The following UBR3 variants were observed in gnomAD, a reference collection of about 807,000 sequenced individuals.
The protein encoded by UBR3 is ubiquitin protein ligase E3 component n-recognin 3.
In UBR3, 85 loss-of-function variants were observed where a neutral mutation model predicts 243.2. That is an observed-to-expected ratio of 0.35 (90% CI 0.29 to 0.42). The LOEUF is 0.42. Among genes scored for constraint, UBR3 ranks in the 10% least tolerant of loss-of-function variants. UBR3 has a pLI of 1.00. For missense variants in UBR3, 1,686 were observed against 2,300.8 expected, an observed-to-expected ratio of 0.73 and a Z score of 5.47; for synonymous variants, 748 against 799.8, an observed-to-expected ratio of 0.94 and a Z score of 1.09.
intron 23 of UBR3, among the ~76,000 whole-genome samples, chr2:169,958,097 T>TA (rs2087395761): frequency 6.6e-6 from 1 of 152,126 alleles, no homozygotes; most frequent in African/African-American, 2.4e-5. Flanking sequence ...AGTCTCTTGC[T>TA]AAAAAAATAT....
chr2:169,971,921 A>G (rs1008873658), intron 24 of UBR3, among the ~76,000 whole-genome samples: 5 of 152,330 alleles, frequency 3.3e-5, no homozygotes, highest in African/African-American at 1.2e-4. Context: ...AAATCAGAGC[A>G]GAACTGAAGG....
intron 30 of UBR3, among the ~76,000 whole-genome samples, chr2:170,024,477 G>A (rs1207884076): frequency 6.6e-6 from 1 of 151,892 alleles, no homozygotes; most frequent in Non-Finnish European, 1.5e-5. Flanking sequence ...GTAACTTTGG[G>A]TTTAGTTTCT....
At chr2:170,054,054 C>T (rs570991147) in intron 32 of UBR3, among the ~76,000 whole-genome samples, 1 of 152,178 alleles carries the variant, frequency 6.6e-6, no homozygotes, top group Admixed American at 6.5e-5. Context: ...TTATTAAGTA[C>T]CTAATATGTG....
chr2:169,898,958 C>T (rs1397005089), intron 8 of UBR3, among the ~76,000 whole-genome samples: 1 of 151,928 alleles, frequency 6.6e-6, no homozygotes, highest in Non-Finnish European at 1.5e-5. Flanking sequence ...GCCTCGGCCT[C>T]CCAAAGTGCT....
Position 170,055,902 on chromosome 2 carries a change from A to G in UBR3, c.4785+318A>G, listed in dbSNP as rs116381054. Among the ~76,000 whole-genome samples the G allele has an allele frequency of 7.8e-3, 1,190 of 151,712 alleles. 13 individuals carry two copies. Among genetic ancestry groups the G allele is most frequent in the African/African-American group, 0.026 (1,073 of 41,332 alleles). On this transcript the variant is annotated intron_variant, in intron 33 of 38. Coordinates refer to ENST00000272793, the MANE Select transcript of UBR3 (RefSeq NM_172070.4). ...TGATAAAATATCTGCAGACTTATCT[A>G]TTTTATTCGCCACTTTTTCTTTTTG... is the stretch of plus-strand genomic sequence containing the variant.
At chr2:169,940,414 G>C (rs951430836) in intron 19 of UBR3, among the ~76,000 whole-genome samples, 2 of 152,098 alleles carry the variant, frequency 1.3e-5, no homozygotes, top group Non-Finnish European at 2.9e-5. Flanking sequence ...CTGGAGTTTT[G>C]AGTTATATTT....
intron 2 of UBR3, 37 bp downstream of exon 2, chr2:169,872,412 A>C: frequency 2.9e-6 from 4 of 1,362,782 alleles, no homozygotes; most frequent in Non-Finnish European, 3.9e-6. Flanking sequence ...TACTCTTTTT[A>C]AATTGTAAAT....
intron 5 of UBR3, among the ~76,000 whole-genome samples, chr2:169,882,314 TTTATATATTATATATGTA>T (rs2083913695): frequency 7.1e-6 from 1 of 140,822 alleles, no homozygotes; most frequent in African/African-American, 2.6e-5. Context: ...ATATTATATA[TTTATATATTATATATGTA>T]TTATATAATA....
chr2:169,878,968 CTA>C (rs1325562933), intron 5 of UBR3, among the ~76,000 whole-genome samples: 3 of 152,052 alleles, frequency 2.0e-5, no homozygotes, highest in African/African-American at 7.2e-5. Context: ...TATTAAAAGA[CTA>C]TGAAATGGAA....
intron 1 of UBR3, among the ~76,000 whole-genome samples, chr2:169,859,003 G>T (rs1405423860): frequency 6.7e-6 from 1 of 149,220 alleles, no homozygotes; most frequent in Non-Finnish European, 1.5e-5. Flanking sequence ...TAATGAATCA[G>T]TTTCTTCTGG....
chr2:169,989,103 C>T (rs1574348813), intron 25 of UBR3, among the ~76,000 whole-genome samples: 2 of 152,068 alleles, frequency 1.3e-5, no homozygotes, highest in African/African-American at 2.4e-5. Context: ...TTCATTTGTT[C>T]CCTCCTTATT....
chr2:170,031,717 A>G (rs944707717), intron 31 of UBR3, among the ~76,000 whole-genome samples: 1 of 151,900 alleles, frequency 6.6e-6, no homozygotes, highest in African/African-American at 2.4e-5. Context: ...TGTTGTTCCC[A>G]TCTTTTGTCC....
At chr2:169,931,469 CTTG>C (rs2086127710) in intron 18 of UBR3, among the ~76,000 whole-genome samples, 1 of 151,132 alleles carries the variant, frequency 6.6e-6, no homozygotes, top group South Asian at 2.1e-4. Flanking sequence ...AGATGAATAG[CTTG>C]TTACATGAAA....
At chr2:170,080,090 C>T in intron 37 of UBR3, 67 bp downstream of exon 37, 1 of 1,411,204 alleles carries the variant, frequency 7.1e-7, no homozygotes, top group South Asian at 1.3e-5. Flanking sequence ...TATGGTCAAG[C>T]CATCTCTTCA....
chr2:170,007,751 C>CATGTG (rs2089966171), intron 28 of UBR3, among the ~76,000 whole-genome samples: 3 of 152,156 alleles, frequency 2.0e-5, no homozygotes, highest in Non-Finnish European at 4.4e-5. Flanking sequence ...GTAATCCCAG[C>CATGTG]TACACGGGAG....
chr2:170,072,815 G>A (rs982072924), intron 35 of UBR3, among the ~76,000 whole-genome samples: 2 of 151,890 alleles, frequency 1.3e-5, no homozygotes, highest in Admixed American at 1.3e-4. Context: ...AGGGATTGGG[G>A]AATATATTTC....
intron 24 of UBR3, among the ~76,000 whole-genome samples, chr2:169,969,294 T>G (rs190538239): frequency 1.7e-3 from 254 of 152,316 alleles, no homozygotes; most frequent in African/African-American, 5.8e-3. Flanking sequence ...ATTTCCACAG[T>G]GGTTTCTTCT....
chr2:170,032,797 A>AT (rs2090715261), intron 31 of UBR3, among the ~76,000 whole-genome samples: 1 of 151,948 alleles, frequency 6.6e-6, no homozygotes, highest in Non-Finnish European at 1.5e-5. Context: ...AACTCTGATC[A>AT]TTTAGCCAAG....
chr2:169,881,778 AATAT>A (rs1226161442), intron 5 of UBR3, among the ~76,000 whole-genome samples: 45 of 139,608 alleles, frequency 3.2e-4, no homozygotes, highest in East Asian at 8.0e-4. Context: ...TATATAATAT[AATAT>A]ATATGTATAT....
Sources: gnomAD v4.1 joint callset for allele counts (sites outside exome capture counted in the v4.1 genomes callset) on GRCh38, gnomAD v4.1.1 for gene constraint, MANE v1.5 for transcripts, NCBI Gene and HGNC (gene_info 2026-07-23, HGNC 2026-07-21) for gene names.